The following TCAF2 variants were observed in gnomAD, a reference collection of about 807,000 sequenced individuals.
TCAF2 encodes TRPM8 channel associated factor 2.
In TCAF2, 6 loss-of-function variants were observed where a neutral mutation model predicts 33.9. The observed-to-expected ratio is 0.18, with a 90% CI of 0.10 to 0.35. The LOEUF is 0.35. Ranked by LOEUF, TCAF2 falls within the 10% of genes least tolerant of loss-of-function variation. The pLI, the probability that TCAF2 is intolerant of heterozygous loss-of-function variation, is 1.00. For missense variants in TCAF2, 109 were observed against 604.0 expected (o/e 0.18, Z 8.59); for synonymous variants, 41 against 247.8 (o/e 0.17, Z 7.84).
Position 143,724,559 on chromosome 7 carries a change from A to G in TCAF2, c.2367A>G (p.Thr789=). ...CNLWSVYVHE[T]VLGIPRAQAH... ...TTTGGTCAGTCTACGTGCATGAAAC[A>G]GTCCTGGGGATCCCCAGGGCTCAGG... Residue 789 remains threonine (T), a synonymous_variant, in exon 7 of 8, where the codon ACA becomes ACG. Coordinates refer to ENST00000684770, the MANE Select transcript of TCAF2 (RefSeq NM_001363538.2). 6.2e-7 allele frequency: 1 copy of G among 1,610,926 alleles called. No homozygotes were observed. The highest frequency in any genetic ancestry group is 1.3e-5 in the African/African-American group (1 of 74,676).
At chr7:143,701,878 G>C (rs1228139435) in intron 1 of TCAF2, among the ~76,000 whole-genome samples, 1 of 80,472 alleles carries the variant, frequency 1.2e-5, no homozygotes. Flanking sequence ...CCACTGGTGC[G>C]ATATCGGCTC....
Position 143,647,759 on chromosome 7 carries a change from A to G in TCAF2, c.-12+26739A>G. 2 of 316,520 alleles carry G rather than the reference A, an allele frequency of 6.3e-6. 1 individual carries two copies. Among genetic ancestry groups the G allele is most frequent in the South Asian group, 1.1e-4 (2 of 18,786 alleles). The allele number at this position is 316,520 out of a possible 1,614,324, so 19.6% of individuals were successfully genotyped here. ...TAAGAAGATTGCACGGTTCATGTCA[A>G]TCTTCACATTCTTACTAATATTAGG... On this transcript the variant is annotated intron_variant, in intron 1 of 7. Transcript: ENST00000684770.
Position 143,730,251 on chromosome 7 carries a change from A to ACAGC in TCAF2, c.*2586_*2589dup, listed in dbSNP as rs1241826734. On this transcript the variant is annotated 3_prime_UTR_variant, in exon 8 of 8. Transcript: ENST00000684770. ...AGTGTAAAAGCATTCCTGTTTCTCC[A>ACAGC]CAGCCTCACCAACATCTGTTGTTTC... 3 of 152,280 alleles carry ACAGC rather than the reference A, an allele frequency of 2.0e-5. No homozygotes were observed. The South Asian group carries it at 6.2e-4, about 32-fold the overall frequency. The allele number at this position is 152,280 out of a possible 1,614,324, so 9.4% of individuals were successfully genotyped here.
chr7:143,712,416 A>G (rs1586682159), intron 2 of TCAF2, among the ~76,000 whole-genome samples: 1 of 99,774 alleles, frequency 1.0e-5, no homozygotes, highest in African/African-American at 3.3e-5. Flanking sequence ...AGGTACTCAC[A>G]TACTCGAGAG....
rs1809716787 is a variant in TCAF2, at chr7:143,727,833, G to T, written c.*166G>T. The T allele has an allele frequency of 3.0e-6, 1 of 334,582 alleles. No individual in the cohort carries two copies. Among genetic ancestry groups the T allele is most frequent in the Non-Finnish European group, 5.3e-6 (1 of 189,262 alleles). 20.7% of individuals were successfully genotyped at this position (334,582 alleles called of 1,614,324 possible). A position where few individuals can be genotyped will look rare whatever the true frequency, so the allele number is the denominator to read the frequency against. ...AAAATGGAACCCCTTTCTGTAAAAG[G>T]TGCCTTGTGCTTCTTTTTATTGTTT... On this transcript the variant is annotated 3_prime_UTR_variant, in exon 8 of 8. Coordinates refer to ENST00000684770, the MANE Select transcript of TCAF2 (RefSeq NM_001363538.2).
chr7:143,647,996 G>A (rs1809095945), intron 1 of TCAF2, among the ~76,000 whole-genome samples: 1 of 114,908 alleles, frequency 8.7e-6, no homozygotes, highest in African/African-American at 3.0e-5. Context: ...TCGGCTCACT[G>A]CAACCTCCAC....
In TCAF2 at chr7:143,714,113, T is replaced by C. The variant is rs866926248; in HGVS notation, c.624-5570T>C. On this transcript the variant is annotated intron_variant, in intron 2 of 7. Transcript: ENST00000684770. Reference sequence around the variant, plus strand: ...CTATGATTTATCTGTATTTAAGAAATTAAAAATACAAAAAAAAAGATACTC... The same window carrying C: ...CTATGATTTATCTGTATTTAAGAAACTAAAAATACAAAAAAAAAGATACTC... Among the ~76,000 whole-genome samples, 26 of 67,844 alleles carry C rather than the reference T, an allele frequency of 3.8e-4. 7 individuals are homozygous for C. The highest frequency in any genetic ancestry group is 5.3e-4 in the Non-Finnish European group (20 of 37,514). 44.5% of individuals were successfully genotyped at this position (67,844 alleles called of 152,430 possible).
Position 143,724,476 on chromosome 7 carries a change from A to G in TCAF2, c.2284A>G (p.Asn762Asp). The stretch of plus-strand genomic sequence containing the variant: ...GGGCCCCATCCATGAGCTGGGCCAC[A>G]ACCAACAGCGGCATGGATGGGAGTT... Reference protein sequence around the residue: ...VWGPIHELGHNQQRHGWEFPP... With the variant: ...VWGPIHELGHDQQRHGWEFPP... Residue 762 changes from asparagine to aspartate, a missense_variant, in exon 7 of 8, where the codon AAC (asparagine) becomes GAC (aspartate). Physicochemically the swap from Asn to Asp is conservative, Grantham distance 23. Transcript: ENST00000684770. The G allele has an allele frequency of 6.2e-7, 1 of 1,611,084 alleles. No individual in the cohort carries two copies. The highest frequency in any genetic ancestry group is 1.1e-5 in the South Asian group (1 of 90,956).
Position 143,730,082 on chromosome 7 carries a change from C to T in TCAF2, c.*2415C>T, listed in dbSNP as rs1307013906. 1.3e-5 allele frequency: 2 copies of T among 152,072 alleles called. No homozygotes were observed. The highest frequency in any genetic ancestry group is 2.9e-5 in the Non-Finnish European group (2 of 68,026). The allele number at this position is 152,072 out of a possible 1,614,324, so 9.4% of individuals were successfully genotyped here. Reference sequence around the variant, plus strand: ...GCAATAAAAGTATGTGTGCATGTGTCTTTATAGTAGAATGGTTTATAGTCC... The same window carrying T: ...GCAATAAAAGTATGTGTGCATGTGTTTTTATAGTAGAATGGTTTATAGTCC... On this transcript the variant is annotated 3_prime_UTR_variant, in exon 8 of 8. Coordinates refer to ENST00000684770, the MANE Select transcript of TCAF2 (RefSeq NM_001363538.2).
intron 7 of TCAF2, among the ~76,000 whole-genome samples, chr7:143,725,936 T>TA (rs1809669880): frequency 7.1e-6 from 1 of 140,336 alleles, no homozygotes; most frequent in Admixed American, 7.3e-5. Context: ...CAGGCCTCGT[T>TA]AGTCTTCCCT....
chr7:143,707,173 T>TA (rs1480837974), intron 2 of TCAF2, among the ~76,000 whole-genome samples: 41 of 118,672 alleles, frequency 3.5e-4, no homozygotes, highest in African/African-American at 1.0e-3. Flanking sequence ...CTACTAAAAA[T>TA]AAAAAAATTG....
intron 2 of TCAF2, among the ~76,000 whole-genome samples, chr7:143,718,427 C>T (rs1809398792): frequency 6.6e-6 from 1 of 150,682 alleles, no homozygotes; most frequent in Non-Finnish European, 1.5e-5. Context: ...TTTTTTACCC[C>T]AAAATTTGGC....
chr7:143,728,560 T>G lies in TCAF2; in HGVS notation c.*893T>G, dbSNP rs1307232327. The G allele has an allele frequency of 6.6e-6, 1 of 152,162 alleles. No individual in the cohort carries two copies. Among genetic ancestry groups the G allele is most frequent in the Non-Finnish European group, 1.5e-5 (1 of 68,052 alleles). 9.4% of individuals were successfully genotyped at this position (152,162 alleles called of 1,614,324 possible). On this transcript the variant is annotated 3_prime_UTR_variant, in exon 8 of 8. Coordinates refer to ENST00000684770, the MANE Select transcript of TCAF2 (RefSeq NM_001363538.2). ...GCCCTTCAACCAAAGGACAAAGTCA[T>G]GTTAACAGCTGCTACTAAGTCTATA...
intron 1 of TCAF2, among the ~76,000 whole-genome samples, chr7:143,642,431 GA>G (rs1809005526): frequency 3.3e-5 from 1 of 29,866 alleles, no homozygotes. Context: ...TGCAAAATCA[GA>G]AGGTGAGTGA....
At position 143,650,048 on chromosome 7, in the gene TCAF2, G is replaced by A. The variant is rs1809148728; in HGVS notation, c.-12+29028G>A. Among the ~76,000 whole-genome samples, 2 of 61,850 alleles carry A rather than the reference G, an allele frequency of 3.2e-5. 1 individual carries two copies. Among genetic ancestry groups the A allele is most frequent in the Non-Finnish European group, 8.7e-5 (2 of 22,912 alleles). The allele number at this position is 61,850 out of a possible 152,430, so 40.6% of individuals were successfully genotyped here. Reference sequence around the variant, plus strand: ...TTTCCGCTGAGCAAACCACAGGCTTGTGTTCTGCCTATCTCCCACTTCGCA... The same window carrying A: ...TTTCCGCTGAGCAAACCACAGGCTTATGTTCTGCCTATCTCCCACTTCGCA... On this transcript the variant is annotated intron_variant, in intron 1 of 7. Transcript: ENST00000684770.
At position 143,724,985 on chromosome 7, in the gene TCAF2, CTGTT is replaced by C. The variant is rs1391377510; in HGVS notation, c.2505+289_2505+292del. 52 of 724,854 alleles carry C rather than the reference CTGTT, an allele frequency of 7.2e-5. No individual in the cohort carries two copies. The East Asian group carries it at 1.4e-3, about 20-fold the overall frequency. 44.9% of individuals were successfully genotyped at this position (724,854 alleles called of 1,614,324 possible). Reference sequence around the variant, plus strand: ...AGCATATTATTCAAGGGCAGAAACTCTGTTAGACATTCCTGCAGCTGAATCACAG... The same window carrying C: ...AGCATATTATTCAAGGGCAGAAACTCAGACATTCCTGCAGCTGAATCACAG... On this transcript the variant is annotated intron_variant, in intron 7 of 7. Coordinates refer to ENST00000684770, the MANE Select transcript of TCAF2 (RefSeq NM_001363538.2).
chr7:143,647,890 T>G lies in TCAF2; in HGVS notation c.-12+26870T>G, dbSNP rs1246829676. Among the ~76,000 whole-genome samples the G allele has an allele frequency of 1.0e-4, 15 of 145,678 alleles. 2 individuals carry two copies. Among genetic ancestry groups the G allele is most frequent in the Admixed American group, 3.5e-4 (5 of 14,120 alleles). On this transcript the variant is annotated intron_variant, in intron 1 of 7. Coordinates refer to ENST00000684770, the MANE Select transcript of TCAF2 (RefSeq NM_001363538.2). ...TCATTTAATTGGCAATGTTTAGTCT[T>G]TCTTTCTTTTCTTTCTTTCTTTTCT...
rs1360889983 is a variant in TCAF2, at chr7:143,728,584, T to C, written c.*917T>C. Reference sequence around the variant, plus strand: ...ATGTTAACAGCTGCTACTAAGTCTATATGCCCATTCGTTCATACCACAAAA... The same window carrying C: ...ATGTTAACAGCTGCTACTAAGTCTACATGCCCATTCGTTCATACCACAAAA... On this transcript the variant is annotated 3_prime_UTR_variant, in exon 8 of 8. Coordinates refer to ENST00000684770, the MANE Select transcript of TCAF2 (RefSeq NM_001363538.2). 1 of 152,186 alleles carries C rather than the reference T, an allele frequency of 6.6e-6. No individual in the cohort carries two copies. The highest frequency in any genetic ancestry group is 1.9e-4 in the East Asian group (1 of 5,188). 9.4% of individuals were successfully genotyped at this position (152,186 alleles called of 1,614,324 possible). A position where few individuals can be genotyped will look rare whatever the true frequency, so the allele number is the denominator to read the frequency against.
chr7:143,729,434 A>G lies in TCAF2; in HGVS notation c.*1767A>G, dbSNP rs1015719904. On this transcript the variant is annotated 3_prime_UTR_variant, in exon 8 of 8. Coordinates refer to ENST00000684770, the MANE Select transcript of TCAF2 (RefSeq NM_001363538.2). ...GTTCAACCAGGTCTGGATTTTTCCAATGTTTACTACTGAATTTTCATTCAA... is the reference window on the plus strand; with the variant it reads ...GTTCAACCAGGTCTGGATTTTTCCAGTGTTTACTACTGAATTTTCATTCAA... The G allele has an allele frequency of 6.6e-5, 10 of 152,166 alleles. No individual in the cohort carries two copies. Among genetic ancestry groups the G allele is most frequent in the African/African-American group, 1.9e-4 (8 of 41,432 alleles). 9.4% of individuals were successfully genotyped at this position (152,166 alleles called of 1,614,324 possible).
Sources: allele counts gnomAD v4.1 joint callset (sites outside exome capture counted in the v4.1 genomes callset), GRCh38; gene constraint gnomAD v4.1.1; transcripts MANE v1.5; gene names NCBI Gene and HGNC (gene_info 2026-07-23, HGNC 2026-07-21).